The following PITPNM3 variants were observed in gnomAD, a reference collection of about 807,000 sequenced individuals.
The protein encoded by PITPNM3 is PITPNM family member 3.
A neutral mutation model predicts 102.0 loss-of-function variants in PITPNM3; 26 were observed. That is an observed-to-expected ratio of 0.25 (90% CI 0.19 to 0.35). The LOEUF (loss-of-function observed/expected upper bound fraction) is 0.35, where lower values mean the gene tolerates loss of function less well. Ranked by LOEUF, PITPNM3 falls within the 10% of genes least tolerant of loss-of-function variation. The pLI, the probability that PITPNM3 is intolerant of heterozygous loss-of-function variation, is 1.00. For missense variants in PITPNM3, 1,083 were observed against 1,346.1 expected (o/e 0.80, Z 3.06); for synonymous variants, 578 against 558.6 (o/e 1.03, Z -0.49).
chr17:6,547,817 C>T (rs929372428), intron 1 of PITPNM3, among the ~76,000 whole-genome samples: 1 of 151,868 alleles, frequency 6.6e-6, no homozygotes, highest in Non-Finnish European at 1.5e-5. Flanking sequence ...CTCACTGCAA[C>T]CTCCGCCTCC....
chr17:6,485,406 C>T (rs983427635), intron 4 of PITPNM3, among the ~76,000 whole-genome samples: 4 of 152,092 alleles, frequency 2.6e-5, no homozygotes, highest in Non-Finnish European at 5.9e-5. Context: ...GATCCGCCCA[C>T]CTCGGCCTCC....
chr17:6,488,890 G>T (rs1906256900), intron 4 of PITPNM3, among the ~76,000 whole-genome samples: 1 of 152,200 alleles, frequency 6.6e-6, no homozygotes, highest in Admixed American at 6.5e-5. Flanking sequence ...GCAGTGCCCA[G>T]ATTTGGGGTG....
chr17:6,528,700 C>T (rs1908977920), intron 2 of PITPNM3, among the ~76,000 whole-genome samples: 1 of 152,168 alleles, frequency 6.6e-6, no homozygotes, highest in Non-Finnish European at 1.5e-5. Flanking sequence ...CTCTCTGCTG[C>T]TCTGTGCACC....
rs964264166 is a variant in PITPNM3 at position 6,459,033 on chromosome 17, G to A, written c.2491-1311C>T. Among the ~76,000 whole-genome samples, 4 of 152,090 alleles carry A rather than the reference G, an allele frequency of 2.6e-5. No individual in the cohort carries two copies. Among genetic ancestry groups the A allele is most frequent in the Non-Finnish European group, 5.9e-5 (4 of 68,012 alleles). On this transcript the variant is annotated intron_variant, in intron 18 of 19. Coordinates refer to ENST00000262483, the MANE Select transcript of PITPNM3 (RefSeq NM_031220.4). The surrounding 1 kb of genome is among the most constrained non-coding windows in gnomAD (Gnocchi z 5.0). ...TCAATGGTTGGTTTATTCCCAACTGGCCTTTGGCTCAGAGGATGGAGCAGC... is the reference window on the plus strand; with the variant it reads ...TCAATGGTTGGTTTATTCCCAACTGACCTTTGGCTCAGAGGATGGAGCAGC...
In PITPNM3 at chr17:6,472,709, G is replaced by A. The variant is rs143785279; in HGVS notation, c.1377C>T (p.Ser459=). 9 of 1,613,880 alleles carry A rather than the reference G, an allele frequency of 5.6e-6. No individual in the cohort carries two copies. The highest frequency in any genetic ancestry group is 4.4e-5 in the South Asian group (4 of 91,068). ...EPKFHLVPPV[S]VPRYQRFPLG... ...GTGGGAACCTCTGGTAGCGAGGCAC[G>A]CTGACAGGCGGCACCAGGTGGAACT... The change falls in exon 11 of 20, where the codon AGC becomes AGT. Residue 459 remains serine (S), a synonymous_variant. Transcript: ENST00000262483. This position sits in a 1 kb window ranked among gnomAD's most constrained non-coding sequence, Gnocchi z 4.1.
chr17:6,464,155 G>A lies in PITPNM3; in HGVS notation c.2156+15C>T. 3 of 1,614,156 alleles carry A rather than the reference G, an allele frequency of 1.9e-6. No individual in the cohort carries two copies. Among genetic ancestry groups the A allele is most frequent in the Non-Finnish European group, 2.5e-6 (3 of 1,180,014 alleles). On this transcript the variant is annotated intron_variant, in intron 16 of 19. Transcript: ENST00000262483. Reference sequence around the variant, plus strand: ...AATGAGAGAAACCACCCTGAGAATGGCCCCTGGGTCTTACCTGACGACCAT... The same window carrying A: ...AATGAGAGAAACCACCCTGAGAATGACCCCTGGGTCTTACCTGACGACCAT...
rs1905762350 is a variant in PITPNM3, at chr17:6,482,044, CTCTCTCTCTCTCTCTCTCTCTG to C, written c.587+1451_587+1472del. ...TCTCTCTCTCTCTCTCTGTCTGTCT[CTCTCTCTCTCTCTCTCTCTCTG>C]TCTCTCTCTCTCTCTCTCTCTGACA... On this transcript the variant is annotated intron_variant, in intron 6 of 19. Coordinates refer to ENST00000262483, the MANE Select transcript of PITPNM3 (RefSeq NM_031220.4). Among the ~76,000 whole-genome samples the C allele has an allele frequency of 1.8e-4, 16 of 88,278 alleles. 1 individual carries two copies. Among genetic ancestry groups the C allele is most frequent in the South Asian group, 4.5e-4 (1 of 2,212 alleles). 57.9% of individuals were successfully genotyped at this position (88,278 alleles called of 152,430 possible).
intron 3 of PITPNM3, among the ~76,000 whole-genome samples, chr17:6,505,084 G>A (rs1218948956): frequency 6.6e-6 from 1 of 151,876 alleles, no homozygotes; most frequent in African/African-American, 2.4e-5. Context: ...GCTGAGGCAG[G>A]AGAATTGCTT....
At chr17:6,464,852 G>A (rs1408837210) in intron 14 of PITPNM3, 81 bp from the exon 15 acceptor site, 2 of 1,304,878 alleles carry the variant, frequency 1.5e-6, no homozygotes, top group African/African-American at 2.9e-5. Flanking sequence ...TCCTCAGACT[G>A]GCTGGAGGCA....
chr17:6,466,546 C>G (rs1904779490), intron 14 of PITPNM3, among the ~76,000 whole-genome samples: 1 of 152,152 alleles, frequency 6.6e-6, no homozygotes, highest in Admixed American at 6.5e-5. Flanking sequence ...CAATGAAATA[C>G]CCCGTCACAC....
rs1023039060 is a variant in PITPNM3 at position 6,459,321 on chromosome 17, A to G, written c.2491-1599T>C. ...GGCAAAAGGGGCGCTATCTCCTTGA[A>G]GCCCTCTCCTCCCGATACCTGGAGT... On this transcript the variant is annotated intron_variant, in intron 18 of 19. Coordinates refer to ENST00000262483, the MANE Select transcript of PITPNM3 (RefSeq NM_031220.4). This position sits in a 1 kb window ranked among gnomAD's most constrained non-coding sequence, Gnocchi z 5.0. 6.6e-6 allele frequency among the ~76,000 whole-genome samples: 1 copy of G among 151,972 alleles called. No homozygotes were observed. The highest frequency in any genetic ancestry group is 6.6e-5 in the Admixed American group (1 of 15,246).
chr17:6,499,459 C>A (rs568031376), intron 4 of PITPNM3, among the ~76,000 whole-genome samples: 60 of 152,342 alleles, frequency 3.9e-4, no homozygotes, highest in Non-Finnish European at 6.9e-4. Flanking sequence ...TGGGGAAACA[C>A]TGCTGTGACA....
intron 4 of PITPNM3, among the ~76,000 whole-genome samples, chr17:6,499,733 TA>T (rs1411159212): frequency 6.6e-6 from 1 of 151,718 alleles, no homozygotes; most frequent in Admixed American, 6.6e-5. Context: ...TATTTATTTA[TA>T]TTTTATTTTA....
In PITPNM3 at chr17:6,455,360, G is replaced by T; in HGVS notation, c.2903C>A (p.Pro968His). The change falls in exon 20 of 20, where the codon CCC becomes CAC. Residue 968 changes from proline (P) to histidine (H), a missense_variant. Physicochemically the swap from Pro to His is moderately conservative, Grantham distance 77. Coordinates refer to ENST00000262483, the MANE Select transcript of PITPNM3 (RefSeq NM_031220.4). ...CCCTCAGGGCACCGACTCGAACTTG[G>T]GGGGCCCACGCGCCCAGCTGAGCGC... The part of the protein sequence containing the change: ...LPALSWARGP[P>H]KFESVP The T allele has an allele frequency of 6.3e-7, 1 of 1,583,530 alleles. No homozygotes were observed. Among genetic ancestry groups the T allele is most frequent in the Non-Finnish European group, 8.6e-7 (1 of 1,166,734 alleles).
At position 6,457,472 on chromosome 17, in the gene PITPNM3, A is replaced by C. The variant is rs528716378; in HGVS notation, c.2619+122T>G. On this transcript the variant is annotated intron_variant, in intron 19 of 19. Coordinates refer to ENST00000262483, the MANE Select transcript of PITPNM3 (RefSeq NM_031220.4). The surrounding 1 kb of genome is among the most constrained non-coding windows in gnomAD (Gnocchi z 4.7). ...AGGCACCCCGAAGTGTTTGTTGAAT[A>C]AATGAATGAGCAAATGGGGGAATGA... 112 of 1,499,410 alleles carry C rather than the reference A, an allele frequency of 7.5e-5. 1 individual carries two copies. Among genetic ancestry groups the C allele is most frequent in the Admixed American group, 5.7e-4 (31 of 53,914 alleles). The allele number at this position is 1,499,410 out of a possible 1,614,324, so 92.9% of individuals were successfully genotyped here.
rs751199521 is a variant in PITPNM3, at chr17:6,464,209, C to A, written c.2117G>T (p.Arg706Leu). ...RITYNVPRPRRLGVGVYPVKM... is the reference protein window; with the variant it reads ...RITYNVPRPRLLGVGVYPVKM... Reference sequence around the variant, plus strand: ...CACAGGATAGACACCAACCCCCAGGCGCCGGGGCCGCGGCACATTGTATGT... The same window carrying A: ...CACAGGATAGACACCAACCCCCAGGAGCCGGGGCCGCGGCACATTGTATGT... Residue 706 changes from arginine to leucine, a missense_variant, in exon 16 of 20, where the codon CGC (arginine) becomes CTC (leucine). Arg to Leu is a moderately radical substitution (Grantham distance 102). Coordinates refer to ENST00000262483, the MANE Select transcript of PITPNM3 (RefSeq NM_031220.4). 2.5e-6 allele frequency: 4 copies of A among 1,614,192 alleles called. No homozygotes were observed. The highest frequency in any genetic ancestry group is 3.4e-6 in the Non-Finnish European group (4 of 1,180,038).
intron 17 of PITPNM3, among the ~76,000 whole-genome samples, chr17:6,463,300 ATTT>A (rs1386380346): frequency 2.6e-5 from 4 of 152,024 alleles, no homozygotes; most frequent in African/African-American, 9.7e-5. Flanking sequence ...CCTGTGACTT[ATTT>A]TCCCCACCAG....
chr17:6,531,163 A>T (rs1423111255), intron 2 of PITPNM3, among the ~76,000 whole-genome samples: 1 of 152,232 alleles, frequency 6.6e-6, no homozygotes, highest in Non-Finnish European at 1.5e-5. Flanking sequence ...TAATTGGATT[A>T]TTCTTTCCAT....
At chr17:6,495,219 G>T (rs118009463) in intron 4 of PITPNM3, among the ~76,000 whole-genome samples, 1,702 of 151,884 alleles carry the variant, frequency 0.011, 16 homozygotes, top group Non-Finnish European at 0.019. Flanking sequence ...CCATGTATAT[G>T]TGCTACCTAC....
Sources: allele counts gnomAD v4.1 joint callset (sites outside exome capture counted in the v4.1 genomes callset), GRCh38; gene constraint gnomAD v4.1.1; non-coding constraint Gnocchi (gnomAD v3.1); transcripts MANE v1.5; gene names NCBI Gene and HGNC (gene_info 2026-07-23, HGNC 2026-07-21).